The following NBAS variants were observed in gnomAD, a reference collection of about 807,000 sequenced individuals.
NBAS encodes the protein NAG/BC035112 fusion.
A neutral mutation model predicts 302.5 loss-of-function variants in NBAS; 219 were observed. That is an observed-to-expected ratio of 0.72 (90% CI 0.65 to 0.81). NBAS has a LOEUF of 0.81. Among genes scored for constraint, NBAS ranks in the 30% least tolerant of loss-of-function variants. The probability of loss-of-function intolerance (pLI) is 0.00; values close to 1 mark genes in which losing one functional copy is unlikely to be tolerated. For missense variants in NBAS, 2,932 were observed against 2,841.6 expected (o/e 1.03, Z -0.72); for synonymous variants, 1,118 against 1,021.6 (o/e 1.09, Z -1.80).
chr2:15,502,958 T>G (rs543615695), intron 11 of NBAS, among the ~76,000 whole-genome samples: 1 of 152,358 alleles, frequency 6.6e-6, no homozygotes, highest in East Asian at 1.9e-4. Context: ...TTAAAAAAAT[T>G]TCTTTCTTTA....
rs182948485 is a variant in NBAS, at chr2:15,234,685, A to G, written c.6006T>C (p.His2002=). 4.3e-6 allele frequency: 7 copies of G among 1,614,172 alleles called. No individual in the cohort carries two copies. Among genetic ancestry groups the G allele is most frequent in the East Asian group, 4.5e-5 (2 of 44,882 alleles). The change falls in exon 46 of 52, where the codon CAT becomes CAC. Residue 2002 remains histidine, a synonymous_variant. Transcript: ENST00000281513. ...DLSRSEKEKL[H]DEAVAICLDG... is the part of the protein sequence containing the mutation. ...CTAAACAAATAGCCACAGCTTCATC[A>G]TGAAGTTTCTCTTTTTCTGATCGGG...
At chr2:14,908,737 A>G in the NBAS span, among the ~76,000 whole-genome samples, 1 of 152,210 alleles carries the variant, frequency 6.6e-6, no homozygotes, top group Non-Finnish European at 1.5e-5. Context: ...GGGAGTCCAA[A>G]AGGAAAGAGC....
chr2:14,993,911 G>A, the NBAS span, among the ~76,000 whole-genome samples: 704 of 152,232 alleles, frequency 4.6e-3, 6 homozygotes, highest in African/African-American at 0.016. Flanking sequence ...TTCAGAGGGC[G>A]GGAGTACAAA....
At chr2:15,060,007 G>T in the NBAS span, among the ~76,000 whole-genome samples, 37 of 147,512 alleles carry the variant, frequency 2.5e-4, no homozygotes, top group Non-Finnish European at 4.7e-4. Context: ...TAGAAGTGTC[G>T]TCATTTAACA....
chr2:15,511,435 G>C, intron 9 of NBAS, 85 bp from the exon 10 acceptor site: 1 of 1,274,946 alleles, frequency 7.8e-7, no homozygotes, highest in Non-Finnish European at 1.1e-6. Flanking sequence ...GTCACCTTGA[G>C]AAAGAAAATT....
At chr2:14,888,173 C>G in the NBAS span, among the ~76,000 whole-genome samples, 1 of 152,158 alleles carries the variant, frequency 6.6e-6, no homozygotes, top group Non-Finnish European at 1.5e-5. Flanking sequence ...CTCTGTTGCC[C>G]AGGCTGGAGT....
chr2:15,032,373 AATAG>A, the NBAS span, among the ~76,000 whole-genome samples: 803 of 152,342 alleles, frequency 5.3e-3, 4 homozygotes, highest in African/African-American at 0.019. Context: ...ATAACTGAAC[AATAG>A]AGAACAAGAA....
the NBAS span, among the ~76,000 whole-genome samples, chr2:15,034,037 A>AAGAAGG: frequency 2.2e-3 from 94 of 42,012 alleles, 2 homozygotes; most frequent in Admixed American, 5.7e-3. Flanking sequence ...GAGGAGGAGG[A>AAGAAGG]AGGAGGAGGA....
chr2:15,185,440 T>C (rs986187992), intron 50 of NBAS, among the ~76,000 whole-genome samples: 1 of 152,194 alleles, frequency 6.6e-6, no homozygotes, highest in Non-Finnish European at 1.5e-5. Context: ...TAGCTTATAT[T>C]CAAGCAAAGG....
At chr2:15,289,744 T>C (rs961927126) in intron 41 of NBAS, among the ~76,000 whole-genome samples, 3 of 152,100 alleles carry the variant, frequency 2.0e-5, no homozygotes, top group African/African-American at 7.2e-5. Context: ...ATGCCTGTAA[T>C]CCTAGCACTT....
At chr2:14,801,424 T>C in the NBAS span, among the ~76,000 whole-genome samples, 1 of 152,220 alleles carries the variant, frequency 6.6e-6, no homozygotes, top group Non-Finnish European at 1.5e-5. Flanking sequence ...TATTCTGCAA[T>C]GATTAATTTA....
chr2:14,930,064 C>G, the NBAS span, among the ~76,000 whole-genome samples: 2 of 152,182 alleles, frequency 1.3e-5, no homozygotes, highest in Non-Finnish European at 2.9e-5. Context: ...TTCCTGAGGC[C>G]TCCCAGCCAT....
chr2:14,782,995 T>A, the NBAS span, among the ~76,000 whole-genome samples: 2 of 151,814 alleles, frequency 1.3e-5, no homozygotes, highest in African/African-American at 4.8e-5. Context: ...TCAGAAAAAA[T>A]TGCCATTGGG....
In NBAS at chr2:15,374,620, G is replaced by A. The variant is rs757081905; in HGVS notation, c.3691C>T (p.Leu1231=). The A allele has an allele frequency of 5.6e-6, 9 of 1,613,334 alleles. 1 individual carries two copies. In the Admixed American group the frequency reaches 1.3e-4, roughly 24 times the overall value. The stretch of plus-strand genomic sequence containing the variant: ...GTAGAAAACTCACCTTGCAAAGGCA[G>A]GATCTTTACCCCAAATTCTTCAAGA... ...GCLEEFGVKI[L]PLQVRLCPDR... The change falls in exon 31 of 52, where the codon CTG becomes TTG. Residue 1231 remains leucine, a synonymous_variant. Coordinates refer to ENST00000281513, the MANE Select transcript of NBAS (RefSeq NM_015909.4).
At chr2:15,544,782 C>T (rs1375547829) in intron 6 of NBAS, among the ~76,000 whole-genome samples, 5 of 152,076 alleles carry the variant, frequency 3.3e-5, no homozygotes, top group East Asian at 1.9e-4. Context: ...GAGGCCAAGG[C>T]GGGTGGATAA....
intron 9 of NBAS, among the ~76,000 whole-genome samples, chr2:15,519,062 A>C (rs1662541141): frequency 6.6e-6 from 1 of 152,180 alleles, no homozygotes; most frequent in African/African-American, 2.4e-5. Flanking sequence ...TTTATGGAAA[A>C]TAGCAGGAAA....
intron 10 of NBAS, among the ~76,000 whole-genome samples, chr2:15,510,824 G>A (rs1558400858): frequency 6.6e-6 from 1 of 152,014 alleles, no homozygotes; most frequent in Non-Finnish European, 1.5e-5. Context: ...AACAGACTCG[G>A]GCCAGTAACA....
In NBAS at chr2:15,552,722, T is replaced by A. The variant is rs368876328; in HGVS notation, c.335+704A>T. ...AGACAGCATAATTGGTCTCAAGTAATACGTAACCTAGGTCATTTGCACACT... is the reference window on the plus strand; with the variant it reads ...AGACAGCATAATTGGTCTCAAGTAAAACGTAACCTAGGTCATTTGCACACT... On this transcript the variant is annotated intron_variant, in intron 5 of 51. Coordinates refer to ENST00000281513, the MANE Select transcript of NBAS (RefSeq NM_015909.4). Among the ~76,000 whole-genome samples, 66 of 152,082 alleles carry A rather than the reference T, an allele frequency of 4.3e-4. 1 individual carries two copies. The South Asian group carries it at 0.014, about 32-fold the overall frequency.
the NBAS span, among the ~76,000 whole-genome samples, chr2:15,045,302 C>G: frequency 5.3e-5 from 8 of 152,178 alleles, no homozygotes; most frequent in African/African-American, 1.7e-4. Flanking sequence ...ACGCTGAGAT[C>G]TGAGCAAAAT....
Sources: allele counts gnomAD v4.1 joint callset (sites outside exome capture counted in the v4.1 genomes callset), GRCh38; gene constraint gnomAD v4.1.1; transcripts MANE v1.5; gene names NCBI Gene and HGNC (gene_info 2026-07-23, HGNC 2026-07-21).